Variants in UNC13C observed in about 807,000 individuals in gnomAD.
UNC13C encodes protein unc-13 homolog C.
UNC13C carries 174 observed loss-of-function variants against 245.4 expected under a neutral mutation model. The ratio of observed to expected loss-of-function variants is 0.71; its 90% CI spans 0.63 to 0.80. UNC13C has a LOEUF of 0.80. Ranked by LOEUF, UNC13C falls within the 30% of genes least tolerant of loss-of-function variation. The pLI is 0.00. For missense variants in UNC13C, 2,829 were observed against 2,602.9 expected (o/e 1.09, Z -1.89); for synonymous variants, 992 against 895.1 (o/e 1.11, Z -1.93).
At chr15:54,258,891 T>C (rs2036350051) in intron 8 of UNC13C, among the ~76,000 whole-genome samples, 1 of 152,204 alleles carries the variant, frequency 6.6e-6, no homozygotes, top group South Asian at 2.1e-4. Flanking sequence ...TCTTAGTCTG[T>C]TTCAGCTGCA....
rs1439958012 is a variant in UNC13C at position 54,054,813 on chromosome 15, T to TA, written c.2983+38927_2983+38928insA. 5.9e-5 allele frequency among the ~76,000 whole-genome samples: 9 copies of TA among 152,260 alleles called. No homozygotes were observed. In the South Asian group the frequency reaches 1.2e-3, roughly 21 times the overall value. On this transcript the variant is annotated intron_variant, in intron 2 of 32. Transcript: ENST00000260323. ...AACATATTTATTTTTTGTTTTTATT[T>TA]TTTTTTGTTTGTTTTCTCTTGCTGA...
intron 2 of UNC13C, among the ~76,000 whole-genome samples, chr15:54,080,458 T>A (rs1419383494): frequency 6.6e-6 from 1 of 152,064 alleles, no homozygotes; most frequent in Non-Finnish European, 1.5e-5. Context: ...CTTGGGTTTT[T>A]TTTAGTTGGT....
At chr15:54,161,637 T>G (rs2032979179) in intron 4 of UNC13C, among the ~76,000 whole-genome samples, 1 of 152,134 alleles carries the variant, frequency 6.6e-6, no homozygotes. Flanking sequence ...AGTAAGCCTT[T>G]TGTCAGTTAT....
At chr15:54,003,260 A>G (rs1336498955) in intron 1 of UNC13C, among the ~76,000 whole-genome samples, 2 of 152,176 alleles carry the variant, frequency 1.3e-5, no homozygotes, top group African/African-American at 4.8e-5. Context: ...ACCTTATAAC[A>G]AAAAAACTCA....
chr15:54,308,692 T>G (rs1269785474), intron 13 of UNC13C, among the ~76,000 whole-genome samples: 1 of 151,844 alleles, frequency 6.6e-6, no homozygotes, highest in Non-Finnish European at 1.5e-5. Flanking sequence ...AACTACCATT[T>G]TACTCTCTAA....
At chr15:54,129,272 C>T (rs1277334975) in intron 2 of UNC13C, among the ~76,000 whole-genome samples, 1 of 152,156 alleles carries the variant, frequency 6.6e-6, no homozygotes, top group Non-Finnish European at 1.5e-5. Context: ...CATACATCCA[C>T]ACTGCTAGAT....
intron 13 of UNC13C, among the ~76,000 whole-genome samples, chr15:54,311,876 T>G (rs2037882210): frequency 6.6e-6 from 1 of 151,728 alleles, no homozygotes; most frequent in African/African-American, 2.4e-5. Context: ...GTAGTTTTCT[T>G]CAAAAGGAAA....
chr15:54,310,837 G>C (rs768645974), intron 13 of UNC13C, among the ~76,000 whole-genome samples: 23 of 151,286 alleles, frequency 1.5e-4, no homozygotes, highest in Non-Finnish European at 2.5e-4. Flanking sequence ...TTTCTTCAAG[G>C]TTTCAAAGAA....
At chr15:54,344,707 CAAGTT>C (rs2038820010) in intron 17 of UNC13C, among the ~76,000 whole-genome samples, 1 of 152,102 alleles carries the variant, frequency 6.6e-6, no homozygotes, top group Admixed American at 6.6e-5. Context: ...CCTAAGAGCT[CAAGTT>C]AAGACCTTTT....
chr15:54,276,645 T>A (rs1283751319), intron 10 of UNC13C, among the ~76,000 whole-genome samples: 1 of 152,154 alleles, frequency 6.6e-6, no homozygotes, highest in Admixed American at 6.5e-5. Context: ...AATGGGCTAG[T>A]TAGGATGTAA....
chr15:54,523,846 G>A (rs1895331630), intron 24 of UNC13C, among the ~76,000 whole-genome samples: 1 of 152,192 alleles, frequency 6.6e-6, no homozygotes, highest in South Asian at 2.1e-4. Flanking sequence ...AGGAAGTGGA[G>A]AGCCTGAAGA....
chr15:54,578,905 C>T (rs1180053968), intron 30 of UNC13C, among the ~76,000 whole-genome samples: 3 of 152,098 alleles, frequency 2.0e-5, no homozygotes, highest in Non-Finnish European at 4.4e-5. Flanking sequence ...CCTGGGTGCC[C>T]GTTTGTGACA....
At chr15:54,518,998 C>T (rs626236) in intron 24 of UNC13C, among the ~76,000 whole-genome samples, 24,783 of 152,046 alleles carry the variant, frequency 0.16, 2,063 homozygotes, top group East Asian at 0.23. Context: ...AATGAACATT[C>T]TCAGAAGAGA....
intron 4 of UNC13C, among the ~76,000 whole-genome samples, chr15:54,218,382 G>C (rs1334577508): frequency 2.0e-5 from 3 of 151,938 alleles, no homozygotes; most frequent in African/African-American, 7.2e-5. Context: ...AGATACTTAT[G>C]GATCAGTGAG....
chr15:54,612,169 T>TTTAA (rs1212601656), intron 30 of UNC13C, among the ~76,000 whole-genome samples: 30 of 152,102 alleles, frequency 2.0e-4, no homozygotes, highest in South Asian at 1.0e-3. Context: ...GAATCATTGT[T>TTTAA]TTAATTTCTC....
At chr15:54,513,279 AT>A (rs1894831411) in intron 24 of UNC13C, among the ~76,000 whole-genome samples, 1 of 152,214 alleles carries the variant, frequency 6.6e-6, no homozygotes, top group Non-Finnish European at 1.5e-5. Flanking sequence ...CTTCCTATAA[AT>A]TTTAAAGCCC....
chr15:54,175,144 T>C (rs2141291385), intron 4 of UNC13C, among the ~76,000 whole-genome samples: 1 of 152,276 alleles, frequency 6.6e-6, no homozygotes, highest in South Asian at 2.1e-4. Context: ...CCACCACTTT[T>C]GTTCTCCCTG....
At chr15:54,553,135 A>T (rs183049370) in intron 28 of UNC13C, among the ~76,000 whole-genome samples, 25 of 92,566 alleles carry the variant, frequency 2.7e-4, no homozygotes, top group Admixed American at 3.4e-4. Context: ...TATAATATAT[A>T]GTATTCTATA....
At chr15:54,270,376 T>C (rs1236604530) in intron 10 of UNC13C, among the ~76,000 whole-genome samples, 1 of 152,168 alleles carries the variant, frequency 6.6e-6, no homozygotes, top group Admixed American at 6.5e-5. Flanking sequence ...GTTTTATTAA[T>C]AGTGTGACTT....
Sources: gnomAD v4.1 joint callset for allele counts (sites outside exome capture counted in the v4.1 genomes callset) on GRCh38, gnomAD v4.1.1 for gene constraint, MANE v1.5 for transcripts, NCBI Gene and HGNC (gene_info 2026-07-23, HGNC 2026-07-21) for gene names.